Variants in SPTA1 observed in about 807,000 individuals in gnomAD.
SPTA1 encodes the protein spectrin alpha chain, erythrocytic 1.
SPTA1 carries 177 observed loss-of-function variants against 324.7 expected under a neutral mutation model. The ratio of observed to expected loss-of-function variants is 0.55; its 90% CI spans 0.48 to 0.62. The LOEUF (loss-of-function observed/expected upper bound fraction) is 0.62, where lower values mean the gene tolerates loss of function less well. SPTA1 is among the 20% of genes least tolerant of loss of function. SPTA1 has a pLI of 0.00. For synonymous variants in SPTA1, 1,195 were observed against 1,041.3 expected (o/e 1.15, Z -2.84); for missense variants, 3,162 against 2,883.6 (o/e 1.10, Z -2.21).
rs2251969 is a variant in SPTA1, at chr1:158,612,856, T to A, written c.7095A>T (p.Ala2365=). 1 of 1,613,634 alleles carries A rather than the reference T, an allele frequency of 6.2e-7. No individual in the cohort carries two copies. The highest frequency in any genetic ancestry group is 8.5e-7 in the Non-Finnish European group (1 of 1,179,824). ...CTTTGGTAATATATGACTTGCCCTC[T>A]GCCAGGGCTTGGAAGGCATTCTCTA... ...DEIENAFQAL[A]EGKSYITKED... Residue 2365 remains alanine (A), a synonymous_variant, in exon 51 of 52, where the codon GCA becomes GCT. Coordinates refer to ENST00000643759, the MANE Select transcript of SPTA1 (RefSeq NM_003126.4).
intron 46 of SPTA1, 90 bp from the exon 47 acceptor site, chr1:158,617,678 C>T (rs1161551867): frequency 2.3e-6 from 3 of 1,295,012 alleles, no homozygotes; most frequent in Non-Finnish European, 3.3e-6. Flanking sequence ...TCTGTTTCAA[C>T]TTCTCCAAGG....
chr1:158,632,613 C>G (rs192640869), intron 39 of SPTA1, among the ~76,000 whole-genome samples: 1 of 152,148 alleles, frequency 6.6e-6, no homozygotes. Context: ...TGAGGTATCA[C>G]TATATATCTA....
chr1:158,625,337 C>T (rs193278500), intron 42 of SPTA1, among the ~76,000 whole-genome samples: 78 of 152,078 alleles, frequency 5.1e-4, no homozygotes, highest in Admixed American at 7.9e-4. Flanking sequence ...TTTCACAATT[C>T]GAAATGTCAA....
intron 43 of SPTA1, 31 bp from the exon 44 acceptor site, chr1:158,620,497 T>C: frequency 6.2e-7 from 1 of 1,611,830 alleles, no homozygotes. Context: ...CACTACCATC[T>C]TTCCTGATAA....
At chr1:158,680,876 C>A in intron 4 of SPTA1, 147 bp from the exon 5 acceptor site, 3 of 1,057,406 alleles carry the variant, frequency 2.8e-6, no homozygotes, top group African/African-American at 1.6e-5. Flanking sequence ...AAAAGGCCAG[C>A]AGCAGAAGTA....
At chr1:158,619,146 C>A in intron 45 of SPTA1, 76 bp downstream of exon 45, 1 of 1,389,576 alleles carries the variant, frequency 7.2e-7, no homozygotes, top group South Asian at 1.2e-5. Context: ...CTCCTCTTCC[C>A]TTCAAACATG....
At chr1:158,642,228 G>A (rs982232592) in intron 33 of SPTA1, among the ~76,000 whole-genome samples, 183 bp downstream of exon 33, 3 of 151,824 alleles carry the variant, frequency 2.0e-5, no homozygotes, top group African/African-American at 7.3e-5. Context: ...GTTAATGGGT[G>A]CAGCACACCA....
chr1:158,618,356 G>A lies in SPTA1; in HGVS notation c.6531-300C>T, dbSNP rs73016289. 0.28 allele frequency among the ~76,000 whole-genome samples: 41,988 copies of A among 151,934 alleles called. 5,938 individuals carry two copies. Among genetic ancestry groups the A allele is most frequent in the Middle Eastern group, 0.33 (96 of 294 alleles). On this transcript the variant is annotated intron_variant, in intron 45 of 51. Transcript: ENST00000643759. Reference sequence around the variant, plus strand: ...GTCACCAAGAAAAGAGGAAGAGAAGGGTGTTCTGTGTCTTCTCTGCCTTCT... The same window carrying A: ...GTCACCAAGAAAAGAGGAAGAGAAGAGTGTTCTGTGTCTTCTCTGCCTTCT...
rs772956304 is a variant in SPTA1, at chr1:158,611,261, T to G, written c.*3A>C. On this transcript the variant is annotated 3_prime_UTR_variant, in exon 52 of 52. Coordinates refer to ENST00000643759, the MANE Select transcript of SPTA1 (RefSeq NM_003126.4). ...TTTTCTACGATCCACGAGGAGCTGC[T>G]TATTAGTTGCCAAAGTAGGAATTGG... 2.3e-5 allele frequency: 37 copies of G among 1,613,478 alleles called. No individual in the cohort carries two copies. Among genetic ancestry groups the G allele is most frequent in the Non-Finnish European group, 3.1e-5 (37 of 1,179,604 alleles).
chr1:158,672,291 T>A, intron 10 of SPTA1, 95 bp from the exon 11 acceptor site: 1 of 1,374,768 alleles, frequency 7.3e-7, no homozygotes, highest in East Asian at 2.5e-5. Flanking sequence ...CATTTAAGGA[T>A]ACAAAAATAA....
rs1651677438 is a variant in SPTA1, at chr1:158,642,485, C to A, written c.4663G>T (p.Val1555Leu). The A allele has an allele frequency of 6.2e-7, 1 of 1,613,760 alleles. No homozygotes were observed. The highest frequency in any genetic ancestry group is 8.5e-7 in the Non-Finnish European group (1 of 1,179,756). ...AHEVDGRSEQ[V>L]HGVINLGNSL... is the part of the protein sequence containing the mutation. Reference sequence around the variant, plus strand: ...TTCCCCAGGTTGATGACGCCATGCACCTGCTCAGATCGGCCATCGACTTCA... The same window carrying A: ...TTCCCCAGGTTGATGACGCCATGCAACTGCTCAGATCGGCCATCGACTTCA... The change falls in exon 33 of 52, where the codon GTG becomes TTG. Residue 1555 changes from valine to leucine, a missense_variant. Transcript: ENST00000643759.
At position 158,686,642 on chromosome 1, in the gene SPTA1, G is replaced by GGAA. The variant is rs59027997; in HGVS notation, c.-126_-125insTTC. The GGAA allele has an allele frequency of 2.9e-4, 162 of 559,362 alleles. 1 individual carries two copies. Among genetic ancestry groups the GGAA allele is most frequent in the African/African-American group, 2.2e-3 (115 of 51,482 alleles). The allele number at this position is 559,362 out of a possible 1,614,324, so 34.6% of individuals were successfully genotyped here. A position where few individuals can be genotyped will look rare whatever the true frequency, so the allele number is the denominator to read the frequency against. ...ATATAGAAACGTTAAGTATGTGGGGGAAAAAAAAAAACCTCTTGCTTGGTC... is the reference window on the plus strand; with the variant it reads ...ATATAGAAACGTTAAGTATGTGGGGGGAAAAAAAAAAAAACCTCTTGCTTGGTC... On this transcript the variant is annotated 5_prime_UTR_variant, in exon 1 of 52. Transcript: ENST00000643759.
chr1:158,648,532 C>T lies in SPTA1; in HGVS notation c.3691G>A (p.Asp1231Asn). ...LQRRHEGFER[D>N]LVPLGDKVTI... is the part of the protein sequence containing the mutation. ...ACCTTATCTCCCAGGGGTACGAGGTCCCTTTCAAAGCCCTCATGCCGTCGC... is the reference window on the plus strand; with the variant it reads ...ACCTTATCTCCCAGGGGTACGAGGTTCCTTTCAAAGCCCTCATGCCGTCGC... The change falls in exon 26 of 52, where the codon GAC (aspartate) becomes AAC (asparagine). Residue 1231 changes from aspartate to asparagine, a missense_variant. Coordinates refer to ENST00000643759, the MANE Select transcript of SPTA1 (RefSeq NM_003126.4). 1 of 1,613,938 alleles carries T rather than the reference C, an allele frequency of 6.2e-7. No homozygotes were observed. The highest frequency in any genetic ancestry group is 8.5e-7 in the Non-Finnish European group (1 of 1,179,952).
At chr1:158,655,578 T>TG (rs34802073) in intron 20 of SPTA1, among the ~76,000 whole-genome samples, 39,105 of 151,966 alleles carry the variant, frequency 0.26, 5,142 homozygotes, top group East Asian at 0.44. Flanking sequence ...CAGAGCCTGG[T>TG]GAAGGCACAG....
intron 5 of SPTA1, among the ~76,000 whole-genome samples, chr1:158,679,257 G>A (rs1654622410): frequency 6.6e-6 from 1 of 151,952 alleles, no homozygotes; most frequent in African/African-American, 2.4e-5. Flanking sequence ...TTCTATTACA[G>A]CAGTGTAGGC....
intron 7 of SPTA1, 40 bp from the exon 8 acceptor site, chr1:158,676,335 C>G: frequency 6.2e-7 from 1 of 1,610,610 alleles, no homozygotes; most frequent in Non-Finnish European, 8.5e-7. Flanking sequence ...AATCCAAGTA[C>G]TCTGACTCCC....
intron 22 of SPTA1, 112 bp from the exon 23 acceptor site, chr1:158,652,765 CA>C (rs1303567566): frequency 7.3e-6 from 9 of 1,238,850 alleles, no homozygotes; most frequent in Non-Finnish European, 1.0e-5. Flanking sequence ...GAAAACAAAT[CA>C]AAAGCAAAAG....
At chr1:158,646,887 GTA>G (rs1037291180) in intron 27 of SPTA1, among the ~76,000 whole-genome samples, 4 of 152,116 alleles carry the variant, frequency 2.6e-5, no homozygotes, top group African/African-American at 7.2e-5. Context: ...GTTCCACAAA[GTA>G]TATGTTTGAG....
chr1:158,616,891 T>A (rs1165212854), intron 47 of SPTA1, among the ~76,000 whole-genome samples: 1 of 152,176 alleles, frequency 6.6e-6, no homozygotes, highest in Non-Finnish European at 1.5e-5. Context: ...TTCACCAGCA[T>A]CCATTATTCC....
Sources: gnomAD v4.1 joint callset for allele counts (sites outside exome capture counted in the v4.1 genomes callset) on GRCh38, gnomAD v4.1.1 for gene constraint, MANE v1.5 for transcripts, NCBI Gene and HGNC (gene_info 2026-07-23, HGNC 2026-07-21) for gene names.